HOMER2: variants seen among roughly 807,000 people sequenced by gnomAD.
The protein encoded by HOMER2 is homer protein homolog 2.
In HOMER2, 27 loss-of-function variants were observed where a neutral mutation model predicts 47.0. That is an observed-to-expected ratio of 0.57 (90% confidence interval 0.42 to 0.79). The LOEUF (loss-of-function observed/expected upper bound fraction) is 0.79, where lower values mean the gene tolerates loss of function less well. Ranked by LOEUF, HOMER2 falls within the 30% of genes least tolerant of loss-of-function variation. The pLI, the probability that HOMER2 is intolerant of heterozygous loss-of-function variation, is 0.00. For synonymous variants in HOMER2, 161 were observed against 163.8 expected (o/e 0.98, Z 0.13); for missense variants, 443 against 435.0 (o/e 1.02, Z -0.16).
At chr15:82,975,143 C>A (rs2030159522) in intron 1 of HOMER2, among the ~76,000 whole-genome samples, 1 of 152,114 alleles carries the variant, frequency 6.6e-6, no homozygotes, top group Non-Finnish European at 1.5e-5. Flanking sequence ...CAGAGAAATG[C>A]AGATCAGAAC....
intron 5 of HOMER2, among the ~76,000 whole-genome samples, chr15:82,857,149 C>T (rs140429010): frequency 2.1e-3 from 318 of 152,078 alleles, no homozygotes; most frequent in Non-Finnish European, 3.4e-3. Context: ...TAGGTGAGGG[C>T]GTGAGGATGA....
At chr15:82,943,970 A>AG (rs1342102786) in intron 1 of HOMER2, among the ~76,000 whole-genome samples, 1 of 152,190 alleles carries the variant, frequency 6.6e-6, no homozygotes, top group Non-Finnish European at 1.5e-5. Context: ...TTGTCTGCAC[A>AG]GGGGTGGGGA....
chr15:82,855,195 G>A (rs960662806), intron 5 of HOMER2, among the ~76,000 whole-genome samples: 28 of 151,432 alleles, frequency 1.8e-4, no homozygotes, highest in Non-Finnish European at 3.4e-4. Context: ...AAATGGTGGC[G>A]GGCGCCTGCA....
At chr15:82,875,497 C>CA in intron 2 of HOMER2, 93 bp from the exon 3 acceptor site, 1 of 1,338,524 alleles carries the variant, frequency 7.5e-7, no homozygotes. Context: ...GCCAGTGCTT[C>CA]AAGCCTGTAT....
intron 2 of HOMER2, among the ~76,000 whole-genome samples, chr15:82,882,440 C>CA (rs2052551984): frequency 6.6e-6 from 1 of 152,256 alleles, no homozygotes; most frequent in South Asian, 2.1e-4. Flanking sequence ...GCAGCCCCAA[C>CA]ACTGACATGG....
In HOMER2 at chr15:82,949,018, C is replaced by T. The variant is rs757587303; in HGVS notation, c.5+3513G>A. On this transcript the variant is annotated intron_variant, in intron 1 of 8. Transcript: ENST00000450735. ...AGGTGAATGCACTCCAGATATATCC[C>T]GGAAGTAGAATGCACAGGACAAACT... Among the ~76,000 whole-genome samples the T allele has an allele frequency of 2.0e-5, 3 of 152,048 alleles. No homozygotes were observed. In the South Asian group the frequency reaches 6.2e-4, roughly 32 times the overall value.
chr15:82,932,133 C>A (rs2054026906), intron 1 of HOMER2, among the ~76,000 whole-genome samples: 1 of 152,162 alleles, frequency 6.6e-6, no homozygotes, highest in African/African-American at 2.4e-5. Flanking sequence ...TGGAAGACAG[C>A]CCAATGCTAG....
intron 1 of HOMER2, among the ~76,000 whole-genome samples, chr15:82,914,056 G>C (rs756669770): frequency 6.6e-6 from 1 of 152,024 alleles, no homozygotes; most frequent in African/African-American, 2.4e-5. Context: ...AATGAAAGTC[G>C]GCCAGGTGCG....
intron 1 of HOMER2, among the ~76,000 whole-genome samples, chr15:82,972,049 A>G (rs904035049): frequency 6.6e-6 from 1 of 152,170 alleles, no homozygotes; most frequent in Non-Finnish European, 1.5e-5. Context: ...GCTCTTAGGT[A>G]TAATTTACCT....
chr15:82,895,382 C>T (rs1201160662), intron 1 of HOMER2, among the ~76,000 whole-genome samples: 5 of 152,142 alleles, frequency 3.3e-5, no homozygotes, highest in African/African-American at 4.8e-5. Flanking sequence ...AGAGGCCAGA[C>T]GACAGGGAGT....
chr15:82,865,899 G>C (rs1332389962), intron 3 of HOMER2, among the ~76,000 whole-genome samples: 1 of 152,228 alleles, frequency 6.6e-6, no homozygotes, highest in Non-Finnish European at 1.5e-5. Flanking sequence ...TGTCCAGGCA[G>C]AAGTTTGCTG....
At chr15:82,948,908 A>G (rs1338009805) in intron 1 of HOMER2, among the ~76,000 whole-genome samples, 1 of 152,244 alleles carries the variant, frequency 6.6e-6, no homozygotes, top group Non-Finnish European at 1.5e-5. Flanking sequence ...TGAAAAATGG[A>G]CTGCAGACAA....
At chr15:82,869,406 GAT>G (rs2052102194) in intron 3 of HOMER2, among the ~76,000 whole-genome samples, 1 of 139,026 alleles carries the variant, frequency 7.2e-6, no homozygotes, top group Non-Finnish European at 1.5e-5. Flanking sequence ...TAAACAATAT[GAT>G]ATTAATACTT....
Position 82,854,694 on chromosome 15 carries a change from T to C in HOMER2, c.601A>G (p.Lys201Glu), listed in dbSNP as rs377132486. 23 of 1,613,124 alleles carry C rather than the reference T, an allele frequency of 1.4e-5. No homozygotes were observed. Among genetic ancestry groups the C allele is most frequent in the Non-Finnish European group, 1.9e-5 (22 of 1,179,872 alleles). Residue 201 changes from lysine to glutamate, a missense_variant, in exon 6 of 9, where the codon AAG becomes GAG. Transcript: ENST00000450735. ...TCACGGCAGATGGAGAACTGCCTCT[T>C]CCACTGCTCCACACTGGCTGCCGAC... ...QESAASVEQW[K>E]RQFSICRDEN... is the part of the protein sequence containing the mutation.
intron 1 of HOMER2, among the ~76,000 whole-genome samples, chr15:82,964,939 T>C (rs1263229767): frequency 6.6e-6 from 1 of 152,200 alleles, no homozygotes; most frequent in Non-Finnish European, 1.5e-5. Flanking sequence ...CAAAGTGAAA[T>C]AAGTTTCTTT....
At chr15:82,949,822 T>C (rs1170575196) in intron 1 of HOMER2, among the ~76,000 whole-genome samples, 1 of 152,220 alleles carries the variant, frequency 6.6e-6, no homozygotes, top group Non-Finnish European at 1.5e-5. Flanking sequence ...ACATTTCAAG[T>C]GTCCAATAAC....
In HOMER2 at chr15:82,864,172, A is replaced by G. The variant is rs761924789; in HGVS notation, c.382T>C (p.Ser128Pro). The G allele has an allele frequency of 3.7e-6, 6 of 1,605,850 alleles. No homozygotes were observed. Among genetic ancestry groups the G allele is most frequent in the Non-Finnish European group, 3.4e-6 (4 of 1,174,024 alleles). ...QEKIETSSNH[S>P]QASSVNGTDD... ...TTCATAGACTAATGTCTTACTTGGG[A>G]ATGATTACTTGAGGTCTCGATTTTC... is the stretch of plus-strand genomic sequence containing the variant. The change falls in exon 4 of 9, where the codon TCC (serine) becomes CCC (proline). Residue 128 changes from serine (S) to proline (P), a missense_variant. Physicochemically the swap from Ser to Pro is moderately conservative, Grantham distance 74. Coordinates refer to ENST00000450735, the MANE Select transcript of HOMER2 (RefSeq NM_004839.4).
intron 1 of HOMER2, among the ~76,000 whole-genome samples, chr15:82,927,142 T>G (rs1434196681): frequency 1.3e-5 from 2 of 152,190 alleles, no homozygotes; most frequent in African/African-American, 4.8e-5. Flanking sequence ...CTAGCACATA[T>G]GATGCCACTC....
upstream of HOMER2, among the ~76,000 whole-genome samples, chr15:82,953,740 G>A (rs2054553944): frequency 1.3e-5 from 2 of 152,074 alleles, no homozygotes; most frequent in Admixed American, 6.6e-5. Flanking sequence ...AAAATTAGCC[G>A]GGCGTGGAGA....
Sources: allele counts gnomAD v4.1 joint callset (sites outside exome capture counted in the v4.1 genomes callset), GRCh38; gene constraint gnomAD v4.1.1; transcripts MANE v1.5; gene names NCBI Gene and HGNC (gene_info 2026-07-23, HGNC 2026-07-21).